The following FBN1 variants were observed in gnomAD, a reference collection of about 807,000 sequenced individuals.
The protein encoded by FBN1 is fibrillin 1.
Under a neutral mutation model 365.1 loss-of-function variants are expected in FBN1, and 29 were observed. That is an observed-to-expected ratio of 0.08 (90% CI 0.06 to 0.11). The LOEUF is 0.11. FBN1 is among the 10% of genes least tolerant of loss of function. FBN1 has a pLI of 1.00. For synonymous variants in FBN1, 1,210 were observed against 1,270.5 expected, an observed-to-expected ratio of 0.95 and a Z score of 1.01; for missense variants, 2,476 against 3,703.2, an observed-to-expected ratio of 0.67 and a Z score of 8.60.
At chr15:48,512,528 T>C (rs2043769050) in intron 13 of FBN1, among the ~76,000 whole-genome samples, 1 of 152,320 alleles carries the variant, frequency 6.6e-6, no homozygotes, top group African/African-American at 2.4e-5. Flanking sequence ...CTTCTATGTG[T>C]CCATGTGTCA....
chr15:48,438,044 C>G (rs1044561043), intron 50 of FBN1, 127 bp from the exon 51 acceptor site: 1 of 966,154 alleles, frequency 1.0e-6, no homozygotes, highest in Admixed American at 1.7e-5. Context: ...ATACTCCTTA[C>G]GTGATTCTAA....
At chr15:48,445,289 G>A in intron 48 of FBN1, 87 bp downstream of exon 48, 1 of 1,473,212 alleles carries the variant, frequency 6.8e-7, no homozygotes, top group Non-Finnish European at 9.5e-7. Context: ...CAGGTTTCCA[G>A]AAAGAAGCAT....
chr15:48,602,786 G>A (rs924108546), intron 4 of FBN1, among the ~76,000 whole-genome samples: 4 of 152,112 alleles, frequency 2.6e-5, no homozygotes, highest in African/African-American at 7.2e-5. Flanking sequence ...AAATGATTTA[G>A]TGAAAACTTT....
chr15:48,499,752 A>G (rs1466224318), intron 17 of FBN1, among the ~76,000 whole-genome samples: 2 of 152,242 alleles, frequency 1.3e-5, no homozygotes, highest in Non-Finnish European at 2.9e-5. Flanking sequence ...ACTTAACATA[A>G]GAGTGAATGA....
chr15:48,561,157 A>G lies in FBN1; in HGVS notation c.539-23349T>C, dbSNP rs532448203. 6.8e-4 allele frequency among the ~76,000 whole-genome samples: 104 copies of G among 152,294 alleles called. 1 individual carries two copies. The highest frequency in any genetic ancestry group is 6.4e-3 in the South Asian group (31 of 4,818). On this transcript the variant is annotated intron_variant, in intron 6 of 65. Transcript: ENST00000316623. ...AAATAATGAGTATAAGTGCTAAAAC[A>G]AAATGACTTGTCTTTTCAAGCCAAT...
At chr15:48,568,242 A>G (rs2044276755) in intron 6 of FBN1, among the ~76,000 whole-genome samples, 1 of 151,924 alleles carries the variant, frequency 6.6e-6, no homozygotes, top group Non-Finnish European at 1.5e-5. Flanking sequence ...TCAGAAAATT[A>G]AATTACAAAG....
chr15:48,504,241 G>A (rs955587333), intron 16 of FBN1, among the ~76,000 whole-genome samples: 13 of 152,078 alleles, frequency 8.5e-5, no homozygotes, highest in African/African-American at 2.2e-4. Flanking sequence ...TGTCTTTCTC[G>A]GGCCTGTGCA....
intron 6 of FBN1, among the ~76,000 whole-genome samples, chr15:48,541,878 A>G (rs2044060594): frequency 6.6e-6 from 1 of 152,198 alleles, no homozygotes; most frequent in Admixed American, 6.5e-5. Context: ...TTCTATTTGC[A>G]AATTGCTCTA....
intron 2 of FBN1, chr15:48,641,224 A>G (rs1890191099): frequency 6.6e-6 from 1 of 152,158 alleles, no homozygotes; most frequent in South Asian, 2.1e-4. Context: ...AAGAAAACAC[A>G]GCAGAAGCTG....
intron 32 of FBN1, chr15:48,476,732 T>G (rs1462763015): frequency 1.3e-5 from 2 of 155,374 alleles, no homozygotes; most frequent in African/African-American, 5.1e-5. Context: ...TGCCTCAGCC[T>G]CCCTAGTAGC....
intron 6 of FBN1, among the ~76,000 whole-genome samples, chr15:48,585,277 C>A (rs144388412): frequency 1.8e-4 from 27 of 152,298 alleles, no homozygotes; most frequent in African/African-American, 6.3e-4. Flanking sequence ...TAAACTCAAC[C>A]ATTAGAACAT....
chr15:48,553,573 A>G (rs1387173141), intron 6 of FBN1, among the ~76,000 whole-genome samples: 1 of 152,306 alleles, frequency 6.6e-6, no homozygotes, highest in African/African-American at 2.4e-5. Context: ...TTTATAGTCT[A>G]TTGTTTTGGC....
At chr15:48,581,865 GAAGACAT>G (rs1346222472) in intron 6 of FBN1, among the ~76,000 whole-genome samples, 2 of 152,156 alleles carry the variant, frequency 1.3e-5, no homozygotes, top group African/African-American at 4.8e-5. Flanking sequence ...GGCTGACTGA[GAAGACAT>G]AAGTCTCATT....
intron 6 of FBN1, among the ~76,000 whole-genome samples, chr15:48,578,602 A>AT (rs1340991752): frequency 5.3e-5 from 8 of 152,088 alleles, no homozygotes; most frequent in African/African-American, 7.2e-5. Context: ...GACTTCCACA[A>AT]TGGCAAATGT....
At chr15:48,643,368 A>T (rs192435397) in intron 2 of FBN1, 2 of 152,364 alleles carry the variant, frequency 1.3e-5, no homozygotes, top group East Asian at 3.9e-4. Flanking sequence ...CGAATTAATC[A>T]TAACTATTTT....
At chr15:48,554,628 T>G (rs2044166029) in intron 6 of FBN1, among the ~76,000 whole-genome samples, 1 of 152,150 alleles carries the variant, frequency 6.6e-6, no homozygotes, top group Non-Finnish European at 1.5e-5. Context: ...ACTGCTTAGG[T>G]TGGGCAGTAT....
chr15:48,472,428 T>A (rs1597552270), intron 35 of FBN1, 123 bp downstream of exon 35: 7 of 1,346,962 alleles, frequency 5.2e-6, no homozygotes, highest in Middle Eastern at 3.7e-4. Context: ...ACTGACCAGC[T>A]TAGAAATGAA....
chr15:48,434,651 C>T lies in FBN1; in HGVS notation c.6559G>A (p.Gly2187Ser), dbSNP rs760055383. 1.2e-6 allele frequency: 2 copies of T among 1,613,842 alleles called. No individual in the cohort carries two copies. The highest frequency in any genetic ancestry group is 4.5e-5 in the East Asian group (2 of 44,884). The change falls in exon 54 of 66, where the codon GGT becomes AGT. Residue 2187 changes from glycine to serine, a missense_variant. By Grantham distance (56) the Gly-to-Ser change is moderately conservative. Coordinates refer to ENST00000316623, the MANE Select transcript of FBN1 (RefSeq NM_000138.5). ...GNGTCKNVIG[G>S]FECTCEEGFE... ...CCCTCCTCGCAGGTGCATTCAAAACCTCCAATCACATTCTTGCAGGTTCCA... is the reference window on the plus strand; with the variant it reads ...CCCTCCTCGCAGGTGCATTCAAAACTTCCAATCACATTCTTGCAGGTTCCA...
At chr15:48,447,190 C>A (rs1452777349) in intron 46 of FBN1, among the ~76,000 whole-genome samples, 1 of 152,122 alleles carries the variant, frequency 6.6e-6, no homozygotes, top group Non-Finnish European at 1.5e-5. Flanking sequence ...TGAGGTGTTG[C>A]CACCTTTGGC....
Sources: gnomAD v4.1 joint callset for allele counts (sites outside exome capture counted in the v4.1 genomes callset) on GRCh38, gnomAD v4.1.1 for gene constraint, MANE v1.5 for transcripts, NCBI Gene and HGNC (gene_info 2026-07-23, HGNC 2026-07-21) for gene names.